NDRG1: variants seen among roughly 807,000 people sequenced by gnomAD.
NDRG1 encodes protein NDRG1.
Under a neutral mutation model 56.9 loss-of-function variants are expected in NDRG1, and 32 were observed. That is an observed-to-expected ratio of 0.56 (90% CI 0.42 to 0.76). NDRG1 has a LOEUF of 0.76. NDRG1 is among the 30% of genes least tolerant of loss of function. The pLI is 0.00. For missense variants in NDRG1, 507 were observed against 545.7 expected, an observed-to-expected ratio of 0.93 and a Z score of 0.71; for synonymous variants, 211 against 204.1, an observed-to-expected ratio of 1.03 and a Z score of -0.29.
intron 3 of NDRG1, among the ~76,000 whole-genome samples, chr8:133,277,187 A>G (rs1857496818): frequency 1.3e-5 from 2 of 152,242 alleles, no homozygotes; most frequent in South Asian, 4.1e-4. Context: ...GAGTAATCAA[A>G]ATCACAGAGA....
intron 10 of NDRG1, among the ~76,000 whole-genome samples, chr8:133,249,063 G>A (rs1384846977): frequency 1.3e-5 from 2 of 152,152 alleles, no homozygotes; most frequent in East Asian, 3.9e-4. Context: ...CCACCATAGA[G>A]GGTCCCCGCC....
chr8:133,288,217 G>A (rs1365691070), intron 1 of NDRG1: 1 of 152,342 alleles, frequency 6.6e-6, no homozygotes, highest in Non-Finnish European at 1.5e-5. Context: ...ATTCACGGAG[G>A]AGGGGGCTGG....
chr8:133,239,155 AG>A (rs1564277499), intron 15 of NDRG1, 36 bp from the exon 16 acceptor site: 1 of 1,549,898 alleles, frequency 6.5e-7, no homozygotes, highest in East Asian at 2.4e-5. Context: ...AGAGGGCAGG[AG>A]ACTGCCAGGT....
In NDRG1 at chr8:133,244,598, G is replaced by T. The variant is rs558928975; in HGVS notation, c.856-208C>A. The T allele has an allele frequency of 3.8e-5, 25 of 650,540 alleles. No homozygotes were observed. The East Asian group carries it at 6.5e-4, about 17-fold the overall frequency. 40.3% of individuals were successfully genotyped at this position (650,540 alleles called of 1,614,324 possible). A position where few individuals can be genotyped will look rare whatever the true frequency, so the allele number is the denominator to read the frequency against. On this transcript the variant is annotated intron_variant, in intron 13 of 15. Transcript: ENST00000323851. Reference sequence around the variant, plus strand: ...GGTGTCTCCGTGGCAACCATCACTTGCAGCTTGCTACGTGCCAGGCACTAT... The same window carrying T: ...GGTGTCTCCGTGGCAACCATCACTTTCAGCTTGCTACGTGCCAGGCACTAT...
At chr8:133,271,674 G>A (rs1336008829) in intron 3 of NDRG1, among the ~76,000 whole-genome samples, 1 of 151,186 alleles carries the variant, frequency 6.6e-6, no homozygotes, top group Admixed American at 6.6e-5. Context: ...CAACTACTAG[G>A]GAGGCTGAGG....
chr8:133,250,426 C>T lies in NDRG1; in HGVS notation c.698+14G>A. ...CATAAATAGCAATGATGTGGCTGAACTACATCCCAATACCTGTTGTAGGCA... is the reference window on the plus strand; with the variant it reads ...CATAAATAGCAATGATGTGGCTGAATTACATCCCAATACCTGTTGTAGGCA... On this transcript the variant is annotated intron_variant, in intron 10 of 15. Transcript: ENST00000323851. 6.2e-7 allele frequency: 1 copy of T among 1,607,646 alleles called. No homozygotes were observed. Among genetic ancestry groups the T allele is most frequent in the Non-Finnish European group, 8.5e-7 (1 of 1,174,088 alleles).
intron 13 of NDRG1, 78 bp from the exon 14 acceptor site, chr8:133,244,468 A>C (rs1056475585): frequency 8.4e-6 from 13 of 1,555,848 alleles, no homozygotes; most frequent in Non-Finnish European, 1.1e-5. Context: ...TTCCGAAAGG[A>C]TGCCCATCCG....
At chr8:133,292,907 C>T (rs776123988) in intron 1 of NDRG1, among the ~76,000 whole-genome samples, 11 of 152,192 alleles carry the variant, frequency 7.2e-5, no homozygotes, top group Admixed American at 6.5e-4. Context: ...ACCCGCTGGA[C>T]TCAAAAGGTC....
rs1241159216 is a variant in NDRG1 at position 133,281,654 on chromosome 8, C to T, written c.64-1387G>A. 5.3e-5 allele frequency among the ~76,000 whole-genome samples: 8 copies of T among 152,190 alleles called. No individual in the cohort carries two copies. In the East Asian group the frequency reaches 9.7e-4, roughly 18 times the overall value. On this transcript the variant is annotated intron_variant, in intron 2 of 15. Coordinates refer to ENST00000323851, the MANE Select transcript of NDRG1 (RefSeq NM_006096.4). ...GGCTCAGCAGAGCGAAATGCAAAAG[C>T]GATGAGGGGAACAGGATGATGGAAT...
chr8:133,279,539 AC>A (rs936115335), intron 3 of NDRG1, among the ~76,000 whole-genome samples: 20 of 152,218 alleles, frequency 1.3e-4, no homozygotes, highest in African/African-American at 4.8e-4. Context: ...CACCTCAGCC[AC>A]CTCTGGCTCT....
At chr8:133,279,133 G>A (rs1449413447) in intron 3 of NDRG1, among the ~76,000 whole-genome samples, 1 of 152,146 alleles carries the variant, frequency 6.6e-6, no homozygotes, top group Non-Finnish European at 1.5e-5. Flanking sequence ...CAGGTGATCT[G>A]CCTGCCTCGG....
intron 3 of NDRG1, among the ~76,000 whole-genome samples, chr8:133,277,934 G>A (rs1857550894): frequency 6.6e-6 from 1 of 152,204 alleles, no homozygotes; most frequent in Non-Finnish European, 1.5e-5. Context: ...GGGCACCCAT[G>A]GGGCTTGCGC....
intron 1 of NDRG1, among the ~76,000 whole-genome samples, chr8:133,286,563 G>T (rs950674397): frequency 6.6e-6 from 1 of 152,186 alleles, no homozygotes. Flanking sequence ...AAAAATCGCT[G>T]TGTGTCCTAG....
At position 133,262,067 on chromosome 8, in the gene NDRG1, G is replaced by T. The variant is rs2233322; in HGVS notation, c.306C>A (p.Gly102=). The change falls in exon 5 of 16, where the codon GGC becomes GGA. Residue 102 remains glycine (G), a synonymous_variant. Coordinates refer to ENST00000323851, the MANE Select transcript of NDRG1 (RefSeq NM_006096.4). The part of the protein sequence containing the change: ...CHVDAPGQQD[G]AASFPAGYMY... Reference sequence around the variant, plus strand: ...CTCACCCTGCGGGGAAGGAGGCTGCGCCGTCCTGCTGGCCAGGGGCGTCCA... The same window carrying T: ...CTCACCCTGCGGGGAAGGAGGCTGCTCCGTCCTGCTGGCCAGGGGCGTCCA... The T allele has an allele frequency of 4.3e-6, 7 of 1,613,614 alleles. No homozygotes were observed. In the South Asian group the frequency reaches 5.5e-5, roughly 13 times the overall value.
At chr8:133,295,986 C>A (rs1002969641) in intron 1 of NDRG1, among the ~76,000 whole-genome samples, 5 of 152,132 alleles carry the variant, frequency 3.3e-5, no homozygotes, top group African/African-American at 1.2e-4. Context: ...CTGTTCAGGA[C>A]CCCCAGGGAC....
chr8:133,286,241 T>C (rs1858107105), intron 1 of NDRG1, among the ~76,000 whole-genome samples: 1 of 152,230 alleles, frequency 6.6e-6, no homozygotes, highest in African/African-American at 2.4e-5. Context: ...ATGCTTTCAG[T>C]AAAATTCACT....
intron 1 of NDRG1, among the ~76,000 whole-genome samples, chr8:133,293,971 T>C (rs570571637): frequency 6.6e-6 from 1 of 152,220 alleles, no homozygotes; most frequent in Non-Finnish European, 1.5e-5. Flanking sequence ...GCCTTGAGAA[T>C]GTCTTCTGCG....
At chr8:133,249,263 A>G (rs1855874986) in intron 10 of NDRG1, 1 of 219,180 alleles carries the variant, frequency 4.6e-6, no homozygotes, top group South Asian at 7.0e-5. Context: ...TTCCCACTGC[A>G]CTCGTGTGAG....
chr8:133,246,454 A>T (rs1033080372), intron 13 of NDRG1, among the ~76,000 whole-genome samples, 162 bp downstream of exon 13: 1 of 152,258 alleles, frequency 6.6e-6, no homozygotes, highest in African/African-American at 2.4e-5. Context: ...TCAGATCACC[A>T]GTCAGCACCC....
Sources: gnomAD v4.1 joint callset for allele counts (sites outside exome capture counted in the v4.1 genomes callset) on GRCh38, gnomAD v4.1.1 for gene constraint, MANE v1.5 for transcripts, NCBI Gene and HGNC (gene_info 2026-07-23, HGNC 2026-07-21) for gene names.